Variants in NUDT8 observed in about 807,000 individuals in gnomAD.
NUDT8 encodes the protein nudix hydrolase 8, also known as mitochondrial coenzyme A diphosphatase NUDT8.
A neutral mutation model predicts 12.5 loss-of-function variants in NUDT8; 14 were observed. The observed-to-expected ratio is 1.12, with a 90% CI of 0.74 to 1.75. The LOEUF is 1.75. Among genes scored for constraint, NUDT8 ranks in the 40% most tolerant of loss-of-function variants. The probability of loss-of-function intolerance (pLI) is 0.00; values close to 1 mark genes in which losing one functional copy is unlikely to be tolerated. For synonymous variants in NUDT8, 163 were observed against 156.2 expected (o/e 1.04, Z -0.33); for missense variants, 337 against 318.5 (o/e 1.06, Z -0.44).
chr11:67,629,830 G>A lies in NUDT8; in HGVS notation c.82C>T (p.Arg28Trp). The change falls in exon 1 of 4, where the codon CGG becomes TGG. Residue 28 changes from arginine (R) to tryptophan (W), a missense_variant. Transcript: ENST00000376693. ...ACGAGCACCGCGGCCGACGCGGGCC[G>A]CGCGCGGAGCCGGGCCGTGGCCCCT... is the stretch of plus-strand genomic sequence containing the variant. ...LAGATARLRA[R>W]PASAAVLVPL... 4 of 1,371,498 alleles carry A rather than the reference G, an allele frequency of 2.9e-6. No homozygotes were observed. The highest frequency in any genetic ancestry group is 6.1e-5 in the East Asian group (2 of 33,032). The allele number at this position is 1,371,498 out of a possible 1,614,324, so 85.0% of individuals were successfully genotyped here. A position where few individuals can be genotyped will look rare whatever the true frequency, so the allele number is the denominator to read the frequency against.
At chr11:67,628,895 G>A in intron 2 of NUDT8, 24 bp downstream of exon 2, 2 of 1,591,688 alleles carry the variant, frequency 1.3e-6, no homozygotes, top group Non-Finnish European at 1.7e-6. Flanking sequence ...AATGGGGTGG[G>A]GTGGCCTCAG....
Position 67,629,936 on chromosome 11 carries a change from C to G in NUDT8, c.-25G>C. The stretch of plus-strand genomic sequence containing the variant: ...TGTCAAGTCCTGCGCGGCCGGGACA[C>G]TGAGGGCGCGGGATCGGGCGAGGGA... On this transcript the variant is annotated 5_prime_UTR_variant, in exon 1 of 4. Coordinates refer to ENST00000376693, the MANE Select transcript of NUDT8 (RefSeq NM_001243750.2). 1.6e-6 allele frequency: 2 copies of G among 1,219,418 alleles called. No homozygotes were observed. The highest frequency in any genetic ancestry group is 4.0e-5 in the South Asian group (1 of 24,706). 75.5% of individuals were successfully genotyped at this position (1,219,418 alleles called of 1,614,324 possible). A position where few individuals can be genotyped will look rare whatever the true frequency, so the allele number is the denominator to read the frequency against.
At chr11:67,629,669 G>T in intron 1 of NUDT8, 49 bp downstream of exon 1, 2 of 1,189,956 alleles carry the variant, frequency 1.7e-6, no homozygotes. Context: ...TGCCAGCCCC[G>T]GGCTCCTGTA....
In NUDT8 at chr11:67,628,967, T is replaced by C; in HGVS notation, c.279A>G (p.Ala93=). ...LRETREELGL[A]VPEEHVWGLL... Reference sequence around the variant, plus strand: ...GGCCCCACACGTGCTCCTCGGGCACTGCCAGGCCCAGCTCCTCCCGGGTTT... The same window carrying C: ...GGCCCCACACGTGCTCCTCGGGCACCGCCAGGCCCAGCTCCTCCCGGGTTT... The change falls in exon 2 of 4, where the codon GCA becomes GCG. Residue 93 remains alanine, a synonymous_variant. Transcript: ENST00000376693. The C allele has an allele frequency of 6.2e-7, 1 of 1,612,820 alleles. No individual in the cohort carries two copies. Among genetic ancestry groups the C allele is most frequent in the Non-Finnish European group, 8.5e-7 (1 of 1,179,784 alleles).
intron 2 of NUDT8, 88 bp from the exon 3 acceptor site, chr11:67,628,488 C>T: frequency 8.9e-7 from 1 of 1,118,124 alleles, no homozygotes. Context: ...GACCCCTTTG[C>T]CATGCATAGG....
chr11:67,628,189 G>A lies in NUDT8; in HGVS notation c.468C>T (p.Thr156=), dbSNP rs1198202038. The change falls in exon 4 of 4, where the codon ACC becomes ACT. Residue 156 remains threonine, a synonymous_variant. Coordinates refer to ENST00000376693, the MANE Select transcript of NUDT8 (RefSeq NM_001243750.2). The stretch of plus-strand genomic sequence containing the variant: ...GGAAGTGGCCACCCCGGCAGAAGTG[G>A]GTATAGCCCTGATTCTGCGTCTGCA... ...HLLQTQNQGY[T]HFCRGGHFRY... 2.5e-6 allele frequency: 4 copies of A among 1,610,040 alleles called. No individual in the cohort carries two copies. The African/African-American group carries it at 4.0e-5, about 16-fold the overall frequency.
rs761055521 is a variant in NUDT8, at chr11:67,628,122, A to G, written c.535T>C (p.Trp179Arg). The change falls in exon 4 of 4, where the codon TGG (tryptophan) becomes CGG (arginine). Residue 179 changes from tryptophan (W) to arginine (R), a missense_variant. Coordinates refer to ENST00000376693, the MANE Select transcript of NUDT8 (RefSeq NM_001243750.2). ...TCAGTGATGACAGCTGTGAGGCCCCAGACCCGGTGTGGTCCATGCAGGAAG... is the reference window on the plus strand; with the variant it reads ...TCAGTGATGACAGCTGTGAGGCCCCGGACCCGGTGTGGTCCATGCAGGAAG... Reference protein sequence around the residue: ...PVFLHGPHRVWGLTAVITEFA... With the variant: ...PVFLHGPHRVRGLTAVITEFA... 1.9e-6 allele frequency: 3 copies of G among 1,599,024 alleles called. No individual in the cohort carries two copies. Among genetic ancestry groups the G allele is most frequent in the Non-Finnish European group, 8.5e-7 (1 of 1,179,820 alleles).
chr11:67,628,299 A>C, intron 3 of NUDT8, 24 bp downstream of exon 3: 1 of 1,613,730 alleles, frequency 6.2e-7, no homozygotes, highest in East Asian at 2.2e-5. Context: ...GAACAGCCCA[A>C]CCCCCTCATA....
chr11:67,628,426 G>A, intron 2 of NUDT8, 26 bp from the exon 3 acceptor site: 1 of 1,602,580 alleles, frequency 6.2e-7, no homozygotes, highest in Non-Finnish European at 8.5e-7. Context: ...GGTGGTCAGG[G>A]AAGCATGGCC....
chr11:67,628,203 T>A lies in NUDT8; in HGVS notation c.454A>T (p.Asn152Tyr), dbSNP rs773337419. 7.4e-6 allele frequency: 12 copies of A among 1,611,836 alleles called. No individual in the cohort carries two copies. In the South Asian group the frequency reaches 9.9e-5, roughly 13 times the overall value. Residue 152 changes from asparagine to tyrosine, a missense_variant, in exon 4 of 4, where the codon AAT (asparagine) becomes TAT (tyrosine). Asn to Tyr is a moderately radical substitution (Grantham distance 143, BLOSUM62 -2). Transcript: ENST00000376693. Reference protein sequence around the residue: ...LPLAHLLQTQNQGYTHFCRGG... With the variant: ...LPLAHLLQTQYQGYTHFCRGG... ...CGGCAGAAGTGGGTATAGCCCTGAT[T>A]CTGCGTCTGCAGCAGGTGGGCCAGC...
rs140696504 is a variant in NUDT8 at position 67,629,165 on chromosome 11, T to TA, written c.195-115dup. On this transcript the variant is annotated intron_variant, in intron 1 of 3. Transcript: ENST00000376693. ...CCGAAGTGTCGCCTGCCTCTGCCCC[T>TA]AGTTTACTGGGAGGCCCCAGGCAAG... The TA allele has an allele frequency of 9.7e-3, 11,392 of 1,170,816 alleles. 835 individuals are homozygous for TA. The African/African-American group carries it at 0.16, about 16-fold the overall frequency. The allele number at this position is 1,170,816 out of a possible 1,614,324, so 72.5% of individuals were successfully genotyped here. A position where few individuals can be genotyped will look rare whatever the true frequency, so the allele number is the denominator to read the frequency against.
intron 2 of NUDT8, 117 bp from the exon 3 acceptor site, chr11:67,628,517 G>C (rs931986011): frequency 1.2e-6 from 1 of 819,864 alleles, no homozygotes; most frequent in Non-Finnish European, 1.9e-6. Flanking sequence ...AGTCATGTTC[G>C]GGTCCACCTG....
chr11:67,628,509 T>A, intron 2 of NUDT8, 109 bp from the exon 3 acceptor site: 2 of 910,942 alleles, frequency 2.2e-6, no homozygotes, highest in Non-Finnish European at 3.4e-6. Flanking sequence ...CCTTTGGTAG[T>A]CATGTTCGGG....
At chr11:67,628,836 C>T in intron 2 of NUDT8, 83 bp downstream of exon 2, 2 of 1,510,342 alleles carry the variant, frequency 1.3e-6, no homozygotes, top group Non-Finnish European at 1.8e-6. Flanking sequence ...TCCATGACCA[C>T]TCTCCTGGTC....
rs1040987108 is a variant in NUDT8 at position 67,628,205 on chromosome 11, T to C, written c.452A>G (p.Gln151Arg). 1.2e-6 allele frequency: 2 copies of C among 1,611,850 alleles called. No individual in the cohort carries two copies. Among genetic ancestry groups the C allele is most frequent in the African/African-American group, 2.7e-5 (2 of 74,940 alleles). The change falls in exon 4 of 4, where the codon CAG becomes CGG. Residue 151 changes from glutamine (Q) to arginine (R), a missense_variant. By Grantham distance (43) the Gln-to-Arg change is conservative. Coordinates refer to ENST00000376693, the MANE Select transcript of NUDT8 (RefSeq NM_001243750.2). ...ALPLAHLLQT[Q>R]NQGYTHFCRG... ...GCAGAAGTGGGTATAGCCCTGATTCTGCGTCTGCAGCAGGTGGGCCAGCGG... is the reference window on the plus strand; with the variant it reads ...GCAGAAGTGGGTATAGCCCTGATTCCGCGTCTGCAGCAGGTGGGCCAGCGG...
rs777694113 is a variant in NUDT8, at chr11:67,628,060, C to T, written c.597G>A (p.Gln199=). 1.1e-5 allele frequency: 17 copies of T among 1,598,406 alleles called. No individual in the cohort carries two copies. Among genetic ancestry groups the T allele is most frequent in the Non-Finnish European group, 1.4e-5 (16 of 1,179,786 alleles). The stretch of plus-strand genomic sequence containing the variant: ...AGCAGGTCAGGCCGGCCAGGCGGGG[C>T]TGGTAGGTACCAGGTGCCAGCAGCT... ...ALQLLAPGTY[Q]PRLAGLTCSG... The change falls in exon 4 of 4, where the codon CAG becomes CAA. Residue 199 remains glutamine (Q), a synonymous_variant. Coordinates refer to ENST00000376693, the MANE Select transcript of NUDT8 (RefSeq NM_001243750.2).
rs1239229763 is a variant in NUDT8, at chr11:67,628,022, C to A, written c.635G>T (p.Gly212Val). The part of the protein sequence containing the change: ...LAGLTCSGAE[G>V]LARPKQPLAS... Reference sequence around the variant, plus strand: ...CAGGGGCTGCTTAGGGCGGGCCAGACCCTCAGCCCCTGAGCAGGTCAGGCC... The same window carrying A: ...CAGGGGCTGCTTAGGGCGGGCCAGAACCTCAGCCCCTGAGCAGGTCAGGCC... The change falls in exon 4 of 4, where the codon GGT (glycine) becomes GTT (valine). Residue 212 changes from glycine to valine, a missense_variant. By Grantham distance (109) the Gly-to-Val change is moderately radical (BLOSUM62 -3). Coordinates refer to ENST00000376693, the MANE Select transcript of NUDT8 (RefSeq NM_001243750.2). 3.1e-6 allele frequency: 5 copies of A among 1,598,294 alleles called. No individual in the cohort carries two copies. Among genetic ancestry groups the A allele is most frequent in the Non-Finnish European group, 2.5e-6 (3 of 1,179,756 alleles).
intron 1 of NUDT8, 84 bp downstream of exon 1, chr11:67,629,634 G>A: frequency 1.4e-6 from 1 of 733,618 alleles, no homozygotes; most frequent in Non-Finnish European, 2.0e-6. Context: ...GGCTCGAAGG[G>A]GCTAAGTGCC....
At chr11:67,629,574 C>T in intron 1 of NUDT8, 144 bp downstream of exon 1, 1 of 435,068 alleles carries the variant, frequency 2.3e-6, no homozygotes, top group Non-Finnish European at 4.0e-6. Context: ...CGCTGCAGCC[C>T]TTGGGCGGAG....
Sources: allele counts gnomAD v4.1 joint callset, GRCh38; gene constraint gnomAD v4.1.1; transcripts MANE v1.5; gene names NCBI Gene and HGNC (gene_info 2026-07-23, HGNC 2026-07-21).